Variants in EP300 observed in about 807,000 individuals in gnomAD.
The protein encoded by EP300 is EP300 lysine acetyltransferase, also known as histone acetyltransferase p300.
Under a neutral mutation model 264.0 loss-of-function variants are expected in EP300, and 31 were observed. The ratio of observed to expected loss-of-function variants is 0.12; its 90% CI spans 0.09 to 0.16. The LOEUF (loss-of-function observed/expected upper bound fraction) is 0.16. EP300 is among the 10% of genes least tolerant of loss of function. The probability of loss-of-function intolerance (pLI) is 1.00; values close to 1 mark genes in which losing one functional copy is unlikely to be tolerated. For synonymous variants in EP300, 1,340 were observed against 1,045.4 expected (o/e 1.28, Z -5.44); for missense variants, 2,766 against 3,052.9 (o/e 0.91, Z 2.21).
chr22:41,162,351 A>T (rs1369617560), intron 20 of EP300, among the ~76,000 whole-genome samples: 1 of 152,192 alleles, frequency 6.6e-6, no homozygotes, highest in Non-Finnish European at 1.5e-5. Flanking sequence ...GAGAATGGTA[A>T]GACTGTTAGC....
chr22:41,173,728 A>C lies in EP300; in HGVS notation c.4723A>C (p.Asn1575His). Residue 1575 changes from asparagine (N) to histidine (H), a missense_variant, in exon 29 of 31, where the codon AAT becomes CAT. Transcript: ENST00000263253. Reference protein sequence around the residue: ...RGNKKKPGMPNVSNDLSQKLY... With the variant: ...RGNKKKPGMPHVSNDLSQKLY... Reference sequence around the variant, plus strand: ...CAACAAGAAGAAACCCGGGATGCCCAATGTATCTAACGACCTCTCACAGAA... The same window carrying C: ...CAACAAGAAGAAACCCGGGATGCCCCATGTATCTAACGACCTCTCACAGAA... 1 of 1,614,238 alleles carries C rather than the reference A, an allele frequency of 6.2e-7. No individual in the cohort carries two copies.
chr22:41,115,754 G>A (rs1175025322), intron 1 of EP300, among the ~76,000 whole-genome samples: 1 of 152,196 alleles, frequency 6.6e-6, no homozygotes, highest in Admixed American at 6.5e-5. Flanking sequence ...TGGTGAAGGA[G>A]CCAGAGGCAT....
rs769831996 is a variant in EP300, at chr22:41,160,685, A to G, written c.3634A>G (p.Ser1212Gly). ...EKCFNEIQGESVSLGDDPSQP... is the reference protein window; with the variant it reads ...EKCFNEIQGEGVSLGDDPSQP... ...GTGTTTCAATGAGATCCAAGGGGAGAGCGTTTCTTTGGGGGATGACCCTTC... is the reference window on the plus strand; with the variant it reads ...GTGTTTCAATGAGATCCAAGGGGAGGGCGTTTCTTTGGGGGATGACCCTTC... Residue 1212 changes from serine (S) to glycine (G), a missense_variant, in exon 20 of 31, where the codon AGC (serine) becomes GGC (glycine). Transcript: ENST00000263253. 1 of 1,614,000 alleles carries G rather than the reference A, an allele frequency of 6.2e-7. No homozygotes were observed. The highest frequency in any genetic ancestry group is 2.2e-5 in the East Asian group (1 of 44,882).
At chr22:41,134,377 G>T (rs2058938217) in intron 6 of EP300, among the ~76,000 whole-genome samples, 1 of 152,010 alleles carries the variant, frequency 6.6e-6, no homozygotes, top group African/African-American at 2.4e-5. Context: ...GTGTGTGTGT[G>T]TGTGAGATTG....
intron 3 of EP300, 71 bp downstream of exon 3, chr22:41,126,111 C>T (rs2145708327): frequency 6.6e-7 from 1 of 1,509,204 alleles, no homozygotes; most frequent in Non-Finnish European, 9.2e-7. Flanking sequence ...TAAACTTTCA[C>T]CCTTCTGTTA....
In EP300 at chr22:41,144,398, C is replaced by G. The variant is rs552711359; in HGVS notation, c.2054-2341C>G. On this transcript the variant is annotated intron_variant, in intron 10 of 30. Coordinates refer to ENST00000263253, the MANE Select transcript of EP300 (RefSeq NM_001429.4). ...TGAGATGGGGTCTGTTTCGCCCAGC[C>G]TGGAGTGCAGTGGTGTGATCTCGGC... Among the ~76,000 whole-genome samples the G allele has an allele frequency of 1.2e-4, 18 of 152,190 alleles. 1 individual carries two copies. Among genetic ancestry groups the G allele is most frequent in the Middle Eastern group, 3.4e-3 (1 of 294 alleles).
At chr22:41,168,142 A>G (rs1206255962) in intron 23 of EP300, 2 of 387,450 alleles carry the variant, frequency 5.2e-6, no homozygotes, top group Non-Finnish European at 9.8e-6. Context: ...ATTTTTATAA[A>G]CTCTTCCAAA....
chr22:41,154,379 T>TTTTTTTTTTTTTTTTTTTTTC (rs2059064766), intron 16 of EP300, among the ~76,000 whole-genome samples: 1 of 126,900 alleles, frequency 7.9e-6, no homozygotes, highest in African/African-American at 2.9e-5. Context: ...GTGCACTCTT[T>TTTTTTTTTTTTTTTTTTTTTC]TTTTTTTTTT....
At chr22:41,134,686 C>T (rs1000044098) in intron 6 of EP300, among the ~76,000 whole-genome samples, 1 of 152,118 alleles carries the variant, frequency 6.6e-6, no homozygotes, top group African/African-American at 2.4e-5. Flanking sequence ...ACTTCCATGA[C>T]AACCAGTACT....
intron 1 of EP300, among the ~76,000 whole-genome samples, chr22:41,114,027 G>T (rs184423312): frequency 1.1e-4 from 17 of 152,146 alleles, no homozygotes; most frequent in African/African-American, 3.9e-4. Context: ...GATACTCCAG[G>T]GGAAAAGTAA....
chr22:41,176,188 C>G (rs530204928), intron 29 of EP300, 59 bp from the exon 30 acceptor site: 1 of 1,602,832 alleles, frequency 6.2e-7, no homozygotes, highest in African/African-American at 1.3e-5. Flanking sequence ...CCACTGCATT[C>G]CAGCCTGGAT....
chr22:41,164,745 A>G (rs575767908), intron 22 of EP300, among the ~76,000 whole-genome samples: 3 of 152,194 alleles, frequency 2.0e-5, no homozygotes, highest in Non-Finnish European at 4.4e-5. Context: ...TTGTTCCGGC[A>G]TCTAGAAACT....
chr22:41,129,169 G>C (rs2413636), intron 4 of EP300, among the ~76,000 whole-genome samples: 93,309 of 151,166 alleles, frequency 0.62, 29,278 homozygotes, highest in East Asian at 0.83. Context: ...CGCCACCATG[G>C]CGGCTAATTT....
rs1486853917 is a variant in EP300, at chr22:41,177,995, C to CT, written c.6285dup (p.Asn2096Ter). On this transcript the variant is annotated frameshift_variant, in exon 31 of 31. Transcript: ENST00000263253. LOFTEE classifies it high-confidence loss of function. ...CAGCGGGCTGCCAAGTATGCCAACT[C>CT]TAATCCACAACCCATCCCTGGGCAG... The CT allele has an allele frequency of 6.2e-7, 1 of 1,614,222 alleles. No homozygotes were observed. The highest frequency in any genetic ancestry group is 2.2e-5 in the East Asian group (1 of 44,876).
At chr22:41,110,120 C>CCG (rs1555904635) in intron 1 of EP300, among the ~76,000 whole-genome samples, 1 of 119,036 alleles carries the variant, frequency 8.4e-6, no homozygotes, top group Admixed American at 8.6e-5. Flanking sequence ...GTTCCCTGCC[C>CCG]CCCCCCCCTT....
chr22:41,136,766 GAA>G (rs1370700235), intron 7 of EP300, among the ~76,000 whole-genome samples: 1 of 152,152 alleles, frequency 6.6e-6, no homozygotes, highest in African/African-American at 2.4e-5. Context: ...ACAAGCCTTA[GAA>G]AACTAAGTAT....
chr22:41,114,212 C>T (rs1299841213), intron 1 of EP300, among the ~76,000 whole-genome samples: 6 of 152,058 alleles, frequency 3.9e-5, no homozygotes, highest in African/African-American at 9.7e-5. Context: ...GATAGGATCT[C>T]GCTCTGTCAC....
At chr22:41,140,879 G>A (rs2058978386) in intron 9 of EP300, among the ~76,000 whole-genome samples, 169 bp from the exon 10 acceptor site, 1 of 152,112 alleles carries the variant, frequency 6.6e-6, no homozygotes, top group African/African-American at 2.4e-5. Flanking sequence ...TGTTGTTCAC[G>A]GTAGTTCAGA....
intron 22 of EP300, among the ~76,000 whole-genome samples, chr22:41,165,094 A>G (rs528979387): frequency 2.0e-5 from 3 of 152,324 alleles, no homozygotes; most frequent in Admixed American, 6.5e-5. Context: ...AAATAACACT[A>G]AGGAAAATAG....
Sources: allele counts gnomAD v4.1 joint callset (sites outside exome capture counted in the v4.1 genomes callset), GRCh38; gene constraint gnomAD v4.1.1; transcripts MANE v1.5; gene names NCBI Gene and HGNC (gene_info 2026-07-23, HGNC 2026-07-21).